Variants in DMAP1 observed in about 807,000 individuals in gnomAD.
The protein encoded by DMAP1 is DNA methyltransferase 1 associated protein 1.
In DMAP1, 26 loss-of-function variants were observed where a neutral mutation model predicts 52.7. The ratio of observed to expected loss-of-function variants is 0.49; its 90% CI spans 0.36 to 0.68. The LOEUF (loss-of-function observed/expected upper bound fraction) is 0.68, where lower values mean the gene tolerates loss of function less well. DMAP1 is among the 30% of genes least tolerant of loss of function. The pLI is 0.00. For synonymous variants in DMAP1, 231 were observed against 246.0 expected, an observed-to-expected ratio of 0.94 and a Z score of 0.57; for missense variants, 439 against 625.2, an observed-to-expected ratio of 0.70 and a Z score of 3.18.
chr1:44,213,674 C>A lies in DMAP1; in HGVS notation c.-80C>A. On this transcript the variant is annotated 5_prime_UTR_variant, in exon 1 of 10. Transcript: ENST00000372289. This position sits in a 1 kb window ranked among gnomAD's most constrained non-coding sequence, Gnocchi z 4.5. ...TCGCCTCCGCTTAGGTCTGGATTGG[C>A]CCCGCCCCCTGACCTGAGCCTGGTC... 1.5e-6 allele frequency: 2 copies of A among 1,362,798 alleles called. No homozygotes were observed. Among genetic ancestry groups the A allele is most frequent in the South Asian group, 1.3e-5 (1 of 77,316 alleles). 84.4% of individuals were successfully genotyped at this position (1,362,798 alleles called of 1,614,324 possible). A position where few individuals can be genotyped will look rare whatever the true frequency, so the allele number is the denominator to read the frequency against.
chr1:44,219,494 CT>C lies in DMAP1; in HGVS notation c.978+20del. ...AGCCAACGGGTACGTGAGTCACCTC[CT>C]TTAGCAAGTTTGGGTCCTGGGCTCT... On this transcript the variant is annotated intron_variant, in intron 7 of 9. Coordinates refer to ENST00000372289, the MANE Select transcript of DMAP1 (RefSeq NM_019100.5). 1 of 1,557,204 alleles carries C rather than the reference CT, an allele frequency of 6.4e-7. No homozygotes were observed. Among genetic ancestry groups the C allele is most frequent in the South Asian group, 1.3e-5 (1 of 79,988 alleles).
Position 44,218,977 on chromosome 1 carries a change from GC to G in DMAP1, c.721-76del. The G allele has an allele frequency of 6.4e-7, 1 of 1,558,582 alleles. No individual in the cohort carries two copies. The highest frequency in any genetic ancestry group is 8.7e-7 in the Non-Finnish European group (1 of 1,143,818). ...TACTTCTCAGATTCCCTCACAGACA[GC>G]CCAGCACCCTGTCACCTCCGTGTCT... On this transcript the variant is annotated intron_variant, in intron 5 of 9. Transcript: ENST00000372289. This position sits in a 1 kb window ranked among gnomAD's most constrained non-coding sequence, Gnocchi z 5.6.
chr1:44,215,796 C>G (rs181179922), intron 3 of DMAP1: 1 of 173,224 alleles, frequency 5.8e-6, no homozygotes, highest in South Asian at 1.3e-4. Flanking sequence ...GCTGAGTTAC[C>G]TGTGTAGCTC....
Position 44,219,488 on chromosome 1 carries a change from C to T in DMAP1, c.978+11C>T, listed in dbSNP as rs779894459. The T allele has an allele frequency of 1.3e-6, 2 of 1,563,344 alleles. No homozygotes were observed. The highest frequency in any genetic ancestry group is 1.7e-6 in the Non-Finnish European group (2 of 1,160,448). On this transcript the variant is annotated intron_variant, in intron 7 of 9. Transcript: ENST00000372289. The stretch of plus-strand genomic sequence containing the variant: ...CTGCGGAGCCAACGGGTACGTGAGT[C>T]ACCTCCTTTAGCAAGTTTGGGTCCT...
chr1:44,218,387 C>G lies in DMAP1; in HGVS notation c.470C>G (p.Thr157Ser). The change falls in exon 4 of 10, where the codon ACT becomes AGT. Residue 157 changes from threonine (T) to serine (S), a missense_variant. Physicochemically the swap from Thr to Ser is moderately conservative, Grantham distance 58. Transcript: ENST00000372289. The surrounding 1 kb of genome is among the most constrained non-coding windows in gnomAD (Gnocchi z 5.6). ...LHDDAWTKAETDHLFDLSRRF... is the reference protein window; with the variant it reads ...LHDDAWTKAESDHLFDLSRRF... Reference sequence around the variant, plus strand: ...GATGATGCTTGGACTAAGGCAGAAACTGACCACCTCTTTGACCTCAGCCGC... The same window carrying G: ...GATGATGCTTGGACTAAGGCAGAAAGTGACCACCTCTTTGACCTCAGCCGC... 1 of 1,614,242 alleles carries G rather than the reference C, an allele frequency of 6.2e-7. No homozygotes were observed. The highest frequency in any genetic ancestry group is 8.5e-7 in the Non-Finnish European group (1 of 1,180,042).
Position 44,220,672 on chromosome 1 carries a change from GA to G in DMAP1, c.*55del. On this transcript the variant is annotated 3_prime_UTR_variant, in exon 10 of 10. Coordinates refer to ENST00000372289, the MANE Select transcript of DMAP1 (RefSeq NM_019100.5). ...TTATGTAAATAGAGCTGCTGAGTTG[GA>G]CCAGGCTGCTTCCTTTTCCTTTCCT... 6.2e-7 allele frequency: 1 copy of G among 1,606,234 alleles called. No homozygotes were observed. The highest frequency in any genetic ancestry group is 8.5e-7 in the Non-Finnish European group (1 of 1,174,618).
rs1261703105 is a variant in DMAP1 at position 44,218,283 on chromosome 1, C to G, written c.394-28C>G. 6.2e-7 allele frequency: 1 copy of G among 1,614,108 alleles called. No homozygotes were observed. The highest frequency in any genetic ancestry group is 1.3e-5 in the African/African-American group (1 of 74,952). ...CTGGACATGACATCATGCGGGCATG[C>G]CCCTACTGTGTCCCTCTGTGCTAGT... On this transcript the variant is annotated intron_variant, in intron 3 of 9. Coordinates refer to ENST00000372289, the MANE Select transcript of DMAP1 (RefSeq NM_019100.5). The surrounding 1 kb of genome is among the most constrained non-coding windows in gnomAD (Gnocchi z 5.6).
intron 3 of DMAP1, chr1:44,217,861 C>T (rs1271359996): frequency 1.2e-5 from 3 of 250,002 alleles, no homozygotes; most frequent in African/African-American, 6.6e-5. Flanking sequence ...GATGCCTGAC[C>T]TTGGCAAACT....
chr1:44,219,263 A>G, intron 6 of DMAP1, 22 bp downstream of exon 6: 1 of 1,607,966 alleles, frequency 6.2e-7, no homozygotes, highest in African/African-American at 1.3e-5. Flanking sequence ...CCGCCAGCCT[A>G]GCTCAGGGTG....
Position 44,214,453 on chromosome 1 carries a change from A to T in DMAP1, c.197+12A>T. ...TACTCTGACAAGAAGCAAGTATTGGAGTCCCAAGTCCCCCAGGTTTTGGCC... is the reference window on the plus strand; with the variant it reads ...TACTCTGACAAGAAGCAAGTATTGGTGTCCCAAGTCCCCCAGGTTTTGGCC... On this transcript the variant is annotated intron_variant, in intron 2 of 9. Coordinates refer to ENST00000372289, the MANE Select transcript of DMAP1 (RefSeq NM_019100.5). The T allele has an allele frequency of 6.2e-7, 1 of 1,613,996 alleles. No individual in the cohort carries two copies.
rs754220119 is a variant in DMAP1 at position 44,218,766 on chromosome 1, G to T, written c.720+11G>T. ...CGGACCCCAGAGCAGGTAAGCCCAA[G>T]GCCACATACCTGTCCTCCATGCCCC... On this transcript the variant is annotated intron_variant, in intron 5 of 9. Coordinates refer to ENST00000372289, the MANE Select transcript of DMAP1 (RefSeq NM_019100.5). The surrounding 1 kb of genome is among the most constrained non-coding windows in gnomAD (Gnocchi z 5.6). 6.3e-7 allele frequency: 1 copy of T among 1,594,708 alleles called. No homozygotes were observed. Among genetic ancestry groups the T allele is most frequent in the Non-Finnish European group, 8.6e-7 (1 of 1,166,862 alleles).
intron 9 of DMAP1, 56 bp downstream of exon 9, chr1:44,220,365 A>C: frequency 6.6e-7 from 1 of 1,520,344 alleles, no homozygotes; most frequent in Non-Finnish European, 8.8e-7. Context: ...GAGCACATGC[A>C]CATGGGTGTA....
At position 44,214,479 on chromosome 1, in the gene DMAP1, CCT is replaced by C. The variant is rs113724198; in HGVS notation, c.197+39_197+40del. 27 of 1,613,588 alleles carry C rather than the reference CCT, an allele frequency of 1.7e-5. 1 individual carries two copies. The African/African-American group carries it at 2.5e-4, about 15-fold the overall frequency. ...GTCCCAAGTCCCCCAGGTTTTGGCC[CCT>C]GATTCACCTGCCATGCCCCTAACTC... On this transcript the variant is annotated intron_variant, in intron 2 of 9. Transcript: ENST00000372289.
intron 6 of DMAP1, 28 bp downstream of exon 6, chr1:44,219,269 G>C (rs1255138673): frequency 6.2e-7 from 1 of 1,601,820 alleles, no homozygotes; most frequent in Admixed American, 1.7e-5. Context: ...GCCTAGCTCA[G>C]GGTGGAAGGG....
chr1:44,219,935 T>C, intron 8 of DMAP1, 57 bp downstream of exon 8: 1 of 1,612,900 alleles, frequency 6.2e-7, no homozygotes, highest in East Asian at 2.2e-5. Flanking sequence ...TGGATATAGG[T>C]TGGGCAGGGG....
At chr1:44,215,428 G>A (rs1406476362) in intron 3 of DMAP1, 3 of 439,120 alleles carry the variant, frequency 6.8e-6, no homozygotes, top group African/African-American at 6.0e-5. Flanking sequence ...CCAGAAACTT[G>A]GGGGATCGTC....
chr1:44,213,872 C>T lies in DMAP1; in HGVS notation c.105+14C>T, dbSNP rs1235257913. On this transcript the variant is annotated intron_variant, in intron 1 of 9. Coordinates refer to ENST00000372289, the MANE Select transcript of DMAP1 (RefSeq NM_019100.5). This position sits in a 1 kb window ranked among gnomAD's most constrained non-coding sequence, Gnocchi z 4.5. ...AACCCGGACAAGGTAGCAGGGGCAC[C>T]TGAAAGCGTTGACTAGGGGAGGGTA... is the stretch of plus-strand genomic sequence containing the variant. The T allele has an allele frequency of 6.4e-7, 1 of 1,569,638 alleles. No homozygotes were observed. Among genetic ancestry groups the T allele is most frequent in the Non-Finnish European group, 8.6e-7 (1 of 1,157,496 alleles).
At position 44,218,107 on chromosome 1, in the gene DMAP1, T is replaced by C; in HGVS notation, c.394-204T>C. 1.5e-6 allele frequency: 1 copy of C among 672,760 alleles called. No individual in the cohort carries two copies. Among genetic ancestry groups the C allele is most frequent in the Non-Finnish European group, 2.7e-6 (1 of 375,500 alleles). 41.7% of individuals were successfully genotyped at this position (672,760 alleles called of 1,614,324 possible). A position where few individuals can be genotyped will look rare whatever the true frequency, so the allele number is the denominator to read the frequency against. On this transcript the variant is annotated intron_variant, in intron 3 of 9. Coordinates refer to ENST00000372289, the MANE Select transcript of DMAP1 (RefSeq NM_019100.5). The surrounding 1 kb of genome is among the most constrained non-coding windows in gnomAD (Gnocchi z 5.6). ...GAGCTGGAGACAGTGAAGTTGATCC[T>C]GGAATAAATCAGAGGCAGGCTACAG... is the stretch of plus-strand genomic sequence containing the variant.
At position 44,213,646 on chromosome 1, in the gene DMAP1, A is replaced by G. The variant is rs1325494255; in HGVS notation, c.-108A>G. ...CCTTCTCCTCTTGGCCCGCCCCTTC[A>G]ACTCGCCTCCGCTTAGGTCTGGATT... is the stretch of plus-strand genomic sequence containing the variant. On this transcript the variant is annotated 5_prime_UTR_variant, in exon 1 of 10. Coordinates refer to ENST00000372289, the MANE Select transcript of DMAP1 (RefSeq NM_019100.5). The surrounding 1 kb of genome is among the most constrained non-coding windows in gnomAD (Gnocchi z 4.5). 1.0e-6 allele frequency: 1 copy of G among 989,740 alleles called. No individual in the cohort carries two copies. The highest frequency in any genetic ancestry group is 1.5e-6 in the Non-Finnish European group (1 of 659,420). The allele number at this position is 989,740 out of a possible 1,614,324, so 61.3% of individuals were successfully genotyped here. A position where few individuals can be genotyped will look rare whatever the true frequency, so the allele number is the denominator to read the frequency against.
Sources: gnomAD v4.1 joint callset for allele counts on GRCh38, gnomAD v4.1.1 for gene constraint, Gnocchi (gnomAD v3.1) non-coding constraint, MANE v1.5 for transcripts, NCBI Gene and HGNC (gene_info 2026-07-23, HGNC 2026-07-21) for gene names.